The following ANGPTL2 variants were observed in gnomAD, a reference collection of about 807,000 sequenced individuals.
ANGPTL2 encodes the protein angiopoietin-related protein 2.
In ANGPTL2, 25 loss-of-function variants were observed where a neutral mutation model predicts 52.8. The ratio of observed to expected loss-of-function variants is 0.47; its 90% CI spans 0.35 to 0.66. The LOEUF (loss-of-function observed/expected upper bound fraction) is 0.66, where lower values mean the gene tolerates loss of function less well. Ranked by LOEUF, ANGPTL2 falls within the 30% of genes least tolerant of loss-of-function variation. The pLI is 0.01. For synonymous variants in ANGPTL2, 276 were observed against 277.4 expected, an observed-to-expected ratio of 1.00 and a Z score of 0.05; for missense variants, 546 against 656.9, an observed-to-expected ratio of 0.83 and a Z score of 1.84.
chr9:127,095,920 T>C (rs1220606992), intron 2 of ANGPTL2, among the ~76,000 whole-genome samples: 1 of 152,220 alleles, frequency 6.6e-6, no homozygotes, highest in African/African-American at 2.4e-5. Flanking sequence ...CATTCCTTGC[T>C]TCCCACTGCC....
chr9:127,110,289 C>T (rs2054665722), intron 1 of ANGPTL2, among the ~76,000 whole-genome samples: 1 of 152,178 alleles, frequency 6.6e-6, no homozygotes, highest in East Asian at 1.9e-4. Context: ...TATTTTCCCT[C>T]TCACACTGTG....
chr9:127,112,340 C>T (rs1184206486), intron 1 of ANGPTL2, among the ~76,000 whole-genome samples: 2 of 152,210 alleles, frequency 1.3e-5, no homozygotes, highest in Non-Finnish European at 2.9e-5. Context: ...GAGGAGCCGC[C>T]CCCGACCCTG....
At position 127,087,416 on chromosome 9, in the gene ANGPTL2, A is replaced by C. The variant is rs1379552198; in HGVS notation, c.*1523T>G. ...TAATCTGGGAATATATTTTTAAAAA[A>C]ACCCTCCCTTTTATATACACAAAAC... On this transcript the variant is annotated 3_prime_UTR_variant, in exon 5 of 5. Coordinates refer to ENST00000373425, the MANE Select transcript of ANGPTL2 (RefSeq NM_012098.3). The C allele has an allele frequency of 6.6e-6, 1 of 152,602 alleles. No homozygotes were observed. The highest frequency in any genetic ancestry group is 1.5e-5 in the Non-Finnish European group (1 of 68,044). The allele number at this position is 152,602 out of a possible 1,614,324, so 9.5% of individuals were successfully genotyped here.
intron 2 of ANGPTL2, among the ~76,000 whole-genome samples, chr9:127,096,006 G>C (rs1430678212): frequency 2.0e-5 from 3 of 152,162 alleles, no homozygotes; most frequent in Non-Finnish European, 4.4e-5. Context: ...ATCTTCTGGG[G>C]AGGAAGGATC....
chr9:127,104,237 A>G (rs555832141), intron 2 of ANGPTL2, among the ~76,000 whole-genome samples: 1 of 152,228 alleles, frequency 6.6e-6, no homozygotes, highest in Non-Finnish European at 1.5e-5. Flanking sequence ...AGTTTCTGAC[A>G]AAGCCCGTCT....
intron 1 of ANGPTL2, among the ~76,000 whole-genome samples, chr9:127,119,156 A>G (rs2055778442): frequency 6.6e-6 from 1 of 152,166 alleles, no homozygotes. Flanking sequence ...CTGGTTTCGA[A>G]GCTCAGTTCC....
At chr9:127,112,344 G>A (rs116689258) in intron 1 of ANGPTL2, among the ~76,000 whole-genome samples, 1,903 of 152,330 alleles carry the variant, frequency 0.012, 43 homozygotes, top group African/African-American at 0.044. Context: ...AGCCGCCCCC[G>A]ACCCTGGGCT....
intron 1 of ANGPTL2, among the ~76,000 whole-genome samples, chr9:127,112,460 A>G (rs2054930578): frequency 6.6e-6 from 1 of 152,266 alleles, no homozygotes; most frequent in Non-Finnish European, 1.5e-5. Context: ...ACTGTGGCCA[A>G]GAAACTGCCA....
chr9:127,093,574 C>T (rs2052743551), intron 3 of ANGPTL2, among the ~76,000 whole-genome samples, 159 bp downstream of exon 3: 1 of 152,210 alleles, frequency 6.6e-6, no homozygotes, highest in Admixed American at 6.5e-5. Flanking sequence ...GCCCTGTCTG[C>T]ATCCTTCTCG....
chr9:127,090,422 T>C (rs142458958), intron 4 of ANGPTL2, among the ~76,000 whole-genome samples: 3 of 152,356 alleles, frequency 2.0e-5, no homozygotes, highest in East Asian at 1.9e-4. Flanking sequence ...TGAGGGCCTG[T>C]TCCTCTTCCA....
intron 1 of ANGPTL2, among the ~76,000 whole-genome samples, chr9:127,121,346 C>G (rs1156424728): frequency 6.6e-6 from 1 of 152,230 alleles, no homozygotes; most frequent in South Asian, 2.1e-4. Flanking sequence ...GAAGCCAGCT[C>G]ATGAGGACTG....
chr9:127,094,290 G>C (rs2052852077), intron 2 of ANGPTL2, among the ~76,000 whole-genome samples: 1 of 152,168 alleles, frequency 6.6e-6, no homozygotes, highest in South Asian at 2.1e-4. Context: ...GAAGTTGCTG[G>C]AGTGATCTTT....
Position 127,108,118 on chromosome 9 carries a change from T to C in ANGPTL2, c.614A>G (p.Gln205Arg). The change falls in exon 2 of 5, where the codon CAG (glutamine) becomes CGG (arginine). Residue 205 changes from glutamine to arginine, a missense_variant. Physicochemically the swap from Gln to Arg is conservative, Grantham distance 43. Around this residue, in one of 2 missense-constraint regions of ANGPTL2, gnomAD observed 285 missense variants for 295.8 expected, o/e 0.96. Transcript: ENST00000373425. Reference sequence around the variant, plus strand: ...GACGGGCCTGGCCGAGGGCACCCTCTGGCAGTGCTCCTCAAGCTGCGCGAT... The same window carrying C: ...GACGGGCCTGGCCGAGGGCACCCTCCGGCAGTGCTCCTCAAGCTGCGCGAT... ...EIIAQLEEHC[Q>R]RVPSARPVPQ... 6.2e-7 allele frequency: 1 copy of C among 1,613,696 alleles called. No homozygotes were observed. The highest frequency in any genetic ancestry group is 1.1e-5 in the South Asian group (1 of 91,060).
chr9:127,088,986 T>G lies in ANGPTL2; in HGVS notation c.1435A>C (p.Lys479Gln). 1.2e-6 allele frequency: 2 copies of G among 1,614,148 alleles called. No individual in the cohort carries two copies. The highest frequency in any genetic ancestry group is 8.5e-7 in the Non-Finnish European group (1 of 1,180,012). ...AEFRGGSYSL[K>Q]KVVMMIRPNP... ...GGTCGGATCATCATCACCACTTTCT[T>G]GAGTGAGTAAGAGCCTCCTCGGAAC... The change falls in exon 5 of 5, where the codon AAG becomes CAG. Residue 479 changes from lysine (K) to glutamine (Q), a missense_variant. Transcript: ENST00000373425.
At position 127,088,152 on chromosome 9, in the gene ANGPTL2, C is replaced by G. The variant is rs1256557333; in HGVS notation, c.*787G>C. 1 of 152,270 alleles carries G rather than the reference C, an allele frequency of 6.6e-6. No homozygotes were observed. The highest frequency in any genetic ancestry group is 1.9e-4 in the East Asian group (1 of 5,194). The allele number at this position is 152,270 out of a possible 1,614,324, so 9.4% of individuals were successfully genotyped here. A position where few individuals can be genotyped will look rare whatever the true frequency, so the allele number is the denominator to read the frequency against. ...TTGAACTGCAGTGAGTGGCCAGGGA[C>G]TGACACACAGAAGGCACTTAATGAA... On this transcript the variant is annotated 3_prime_UTR_variant, in exon 5 of 5. Transcript: ENST00000373425.
intron 2 of ANGPTL2, among the ~76,000 whole-genome samples, chr9:127,105,371 CAAAG>C (rs2054124445): frequency 6.6e-6 from 1 of 152,174 alleles, no homozygotes. Flanking sequence ...GTTGTGAACA[CAAAG>C]AAGCAGGAGA....
rs145205647 is a variant in ANGPTL2, at chr9:127,121,880, C to T, written c.-50+435G>A. Among the ~76,000 whole-genome samples, 20 of 152,318 alleles carry T rather than the reference C, an allele frequency of 1.3e-4. No homozygotes were observed. The East Asian group carries it at 2.1e-3, about 16-fold the overall frequency. ...CGCTTGCCTTTGCCTCACATTGTCC[C>T]GGCCTGGGGGCATAGGAATCCAAAG... On this transcript the variant is annotated intron_variant, in intron 1 of 4. Coordinates refer to ENST00000373425, the MANE Select transcript of ANGPTL2 (RefSeq NM_012098.3).
At chr9:127,115,346 C>T (rs2055289303) in intron 1 of ANGPTL2, among the ~76,000 whole-genome samples, 1 of 152,196 alleles carries the variant, frequency 6.6e-6, no homozygotes, top group African/African-American at 2.4e-5. Flanking sequence ...CCTGTCACCA[C>T]ACCTGGCTAA....
At chr9:127,092,879 G>A (rs1183403012) in intron 3 of ANGPTL2, among the ~76,000 whole-genome samples, 1 of 152,136 alleles carries the variant, frequency 6.6e-6, no homozygotes, top group Admixed American at 6.5e-5. Context: ...AAGGGGCATG[G>A]CAGAGCCATG....
Sources: gnomAD v4.1 joint callset for allele counts (sites outside exome capture counted in the v4.1 genomes callset) on GRCh38, gnomAD v4.1.1 for gene constraint, gnomAD v4.1.1 regional missense constraint, MANE v1.5 for transcripts, NCBI Gene and HGNC (gene_info 2026-07-23, HGNC 2026-07-21) for gene names.